The following PHKG1 variants were observed in gnomAD, a reference collection of about 807,000 sequenced individuals.
PHKG1 encodes phosphorylase b kinase gamma catalytic chain, skeletal muscle/heart isoform.
PHKG1 carries 48 observed loss-of-function variants against 50.5 expected under a neutral mutation model. The ratio of observed to expected loss-of-function variants is 0.95; its 90% CI spans 0.75 to 1.21. The LOEUF (loss-of-function observed/expected upper bound fraction) is 1.21. PHKG1 is among the 50% of genes most tolerant of loss of function. PHKG1 has a pLI of 0.00. For synonymous variants in PHKG1, 204 were observed against 212.8 expected, an observed-to-expected ratio of 0.96 and a Z score of 0.36; for missense variants, 487 against 519.5, an observed-to-expected ratio of 0.94 and a Z score of 0.61.
chr7:56,090,599 C>T (rs941237701), intron 1 of PHKG1, among the ~76,000 whole-genome samples: 1 of 152,066 alleles, frequency 6.6e-6, no homozygotes, highest in African/African-American at 2.4e-5. Flanking sequence ...TCAGTGTATG[C>T]TGTCACCTCC....
chr7:56,083,818 A>T, intron 4 of PHKG1, 103 bp from the exon 5 acceptor site: 2 of 787,690 alleles, frequency 2.5e-6, no homozygotes. Context: ...CTAGAAGCTA[A>T]GTGGGCCACT....
Position 56,081,747 on chromosome 7 carries a change from T to G in PHKG1, c.801A>C (p.Arg267=). Residue 267 remains arginine, a synonymous_variant, in exon 9 of 10, where the codon CGA becomes CGC. Transcript: ENST00000297373. This position sits in a 1 kb window ranked among gnomAD's most constrained non-coding sequence, Gnocchi z 4.6. ...YSDTVKDLVS[R]FLVVQPQNRY... is the part of the protein sequence containing the mutation. ...GGTTCTGGGGTTGCACCACCAGGAA[T>G]CGGGAGACCTGTGAGAGGAGGAGAG... is the stretch of plus-strand genomic sequence containing the variant. 6.2e-7 allele frequency: 1 copy of G among 1,613,404 alleles called. No individual in the cohort carries two copies. The highest frequency in any genetic ancestry group is 8.5e-7 in the Non-Finnish European group (1 of 1,179,626).
chr7:56,086,822 C>CA, intron 4 of PHKG1, 148 bp downstream of exon 4: 1 of 672,322 alleles, frequency 1.5e-6, no homozygotes, highest in Non-Finnish European at 2.7e-6. Context: ...AGCCTGACCC[C>CA]AGGGGCTGAT....
chr7:56,089,797 T>A (rs1308266753), intron 1 of PHKG1, among the ~76,000 whole-genome samples: 1 of 152,138 alleles, frequency 6.6e-6, no homozygotes, highest in East Asian at 1.9e-4. Context: ...GTGCTGGGAT[T>A]AAAGGCGTGA....
rs1222844861 is a variant in PHKG1 at position 56,080,913 on chromosome 7, C to A, written c.*141G>T. On this transcript the variant is annotated 3_prime_UTR_variant, in exon 10 of 10. Transcript: ENST00000297373. ...TTGTGCACAGCCTTTGAGAGGGGAT[C>A]GTGGCCTCAGTTCCAGGGGTTCCTG... is the stretch of plus-strand genomic sequence containing the variant. The A allele has an allele frequency of 3.2e-6, 3 of 926,090 alleles. No individual in the cohort carries two copies. In the East Asian group the frequency reaches 7.9e-5, roughly 24 times the overall value. The allele number at this position is 926,090 out of a possible 1,614,324, so 57.4% of individuals were successfully genotyped here.
At position 56,082,958 on chromosome 7, in the gene PHKG1, T is replaced by G. The variant is rs1796081719; in HGVS notation, c.547+320A>C. Among the ~76,000 whole-genome samples, 8 of 151,884 alleles carry G rather than the reference T, an allele frequency of 5.3e-5. No individual in the cohort carries two copies. The South Asian group carries it at 1.7e-3, about 32-fold the overall frequency. On this transcript the variant is annotated intron_variant, in intron 6 of 9. Transcript: ENST00000297373. ...CTGTCTCTACTAAAAATACAAAAAT[T>G]AGCCGAGCGTTGTGGCGCGTGCCTG...
At chr7:56,090,462 C>T (rs1584633716) in intron 1 of PHKG1, among the ~76,000 whole-genome samples, 1 of 152,174 alleles carries the variant, frequency 6.6e-6, no homozygotes, top group African/African-American at 2.4e-5. Flanking sequence ...TAATCACTCA[C>T]TCACTCATTC....
chr7:56,081,798 C>T lies in PHKG1; in HGVS notation c.793-43G>A, dbSNP rs1396171123. The T allele has an allele frequency of 6.4e-7, 1 of 1,573,092 alleles. No homozygotes were observed. The highest frequency in any genetic ancestry group is 1.3e-5 in the African/African-American group (1 of 74,672). The stretch of plus-strand genomic sequence containing the variant: ...GGGAACCGAGAATGTCAAGGCAGGT[C>T]CCCTCCAGCATGTCAGGAAAGGCAG... On this transcript the variant is annotated intron_variant, in intron 8 of 9. Transcript: ENST00000297373. This position sits in a 1 kb window ranked among gnomAD's most constrained non-coding sequence, Gnocchi z 4.6.
At chr7:56,082,588 T>A (rs2117545884) in intron 6 of PHKG1, among the ~76,000 whole-genome samples, 1 of 151,068 alleles carries the variant, frequency 6.6e-6, no homozygotes, top group East Asian at 2.0e-4. Flanking sequence ...TGAGACTCTG[T>A]TTCAAAAAAA....
In PHKG1 at chr7:56,081,241, T is replaced by C. The variant is rs1795968750; in HGVS notation, c.977A>G (p.Lys326Arg). The C allele has an allele frequency of 6.2e-7, 1 of 1,613,434 alleles. No homozygotes were observed. The highest frequency in any genetic ancestry group is 8.5e-7 in the Non-Finnish European group (1 of 1,179,920). The change falls in exon 10 of 10, where the codon AAG (lysine) becomes AGG (arginine). Residue 326 changes from lysine to arginine, a missense_variant. Lys to Arg is a conservative substitution (Grantham distance 26). Coordinates refer to ENST00000297373, the MANE Select transcript of PHKG1 (RefSeq NM_006213.5). This position sits in a 1 kb window ranked among gnomAD's most constrained non-coding sequence, Gnocchi z 4.6. ...GATGACGATCTCCCGGGTCACAGGC[T>C]TCACCCGGCGGTACTGGTAGTAGAT... ...VRIYYQYRRV[K>R]PVTREIVIRD...
chr7:56,084,389 T>TTC (rs1215806068), intron 4 of PHKG1: 527 of 562,694 alleles, frequency 9.4e-4, no homozygotes, highest in Non-Finnish European at 1.3e-3. Context: ...TTTTTTTTTT[T>TTC]TTGAGATGGA....
In PHKG1 at chr7:56,087,785, G is replaced by C. The variant is rs1366233791; in HGVS notation, c.84-9C>G. On this transcript the variant is annotated splice_polypyrimidine_tract_variant and intron_variant, in intron 2 of 9. Transcript: ENST00000297373. ...CCACACTGCTAACGCCCCTGGGAGT[G>C]CAGAGGACAGATGGCCTCGGGGGGC... 2.5e-6 allele frequency: 4 copies of C among 1,605,978 alleles called. No individual in the cohort carries two copies. The highest frequency in any genetic ancestry group is 3.4e-6 in the Non-Finnish European group (4 of 1,176,756).
intron 1 of PHKG1, among the ~76,000 whole-genome samples, chr7:56,092,463 G>A (rs2117613865): frequency 6.6e-6 from 1 of 152,248 alleles, no homozygotes; most frequent in South Asian, 2.1e-4. Context: ...AGTAGATATG[G>A]GGTTTCACCA....
In PHKG1 at chr7:56,083,346, T is replaced by C. The variant is rs775962676; in HGVS notation, c.479A>G (p.Asp160Gly). ...DLKPENILLD[D>G]NMNIKLTDFG... ...GTCTGTGAGCTTGATGTTCATGTTGTCATCCAAGAGAATGTTCTCGGGCTT... is the reference window on the plus strand; with the variant it reads ...GTCTGTGAGCTTGATGTTCATGTTGCCATCCAAGAGAATGTTCTCGGGCTT... Residue 160 changes from aspartate (D) to glycine (G), a missense_variant, in exon 6 of 10, where the codon GAC becomes GGC. Coordinates refer to ENST00000297373, the MANE Select transcript of PHKG1 (RefSeq NM_006213.5). 1.2e-6 allele frequency: 2 copies of C among 1,614,034 alleles called. No homozygotes were observed. The highest frequency in any genetic ancestry group is 2.7e-5 in the African/African-American group (2 of 74,936).
chr7:56,086,931 T>G, intron 4 of PHKG1, 39 bp downstream of exon 4: 6 of 1,542,266 alleles, frequency 3.9e-6, no homozygotes, highest in Non-Finnish European at 5.4e-6. Flanking sequence ...CAGTCGGAGG[T>G]TCTCTCAGGT....
chr7:56,091,056 A>G (rs1001037078), intron 1 of PHKG1, among the ~76,000 whole-genome samples: 2 of 151,510 alleles, frequency 1.3e-5, no homozygotes, highest in Admixed American at 6.6e-5. Flanking sequence ...CGCAAAAAAT[A>G]CAAAAATTAG....
In PHKG1 at chr7:56,083,412, A is replaced by C; in HGVS notation, c.413T>G (p.Ile138Ser). 6.2e-7 allele frequency: 1 copy of C among 1,614,158 alleles called. No homozygotes were observed. Among genetic ancestry groups the C allele is most frequent in the Non-Finnish European group, 8.5e-7 (1 of 1,180,026 alleles). Residue 138 changes from isoleucine (I) to serine (S), a missense_variant, in exon 6 of 10, where the codon ATC becomes AGC. Physicochemically the swap from Ile to Ser is moderately radical, Grantham distance 142. Transcript: ENST00000297373. ...RKIMRALLEVICTLHKLNIVH... is the reference protein window; with the variant it reads ...RKIMRALLEVSCTLHKLNIVH... ...GATGTTGAGTTTGTGCAAGGTGCAG[A>C]TCACCTCCAGCAGAGCTCGCATGAT...
Position 56,088,925 on chromosome 7 carries a change from G to A in PHKG1, c.17C>T (p.Ala6Val). Residue 6 changes from alanine (A) to valine (V), a missense_variant, in exon 2 of 10, where the codon GCA becomes GTA. By Grantham distance (64) the Ala-to-Val change is moderately conservative. Coordinates refer to ENST00000297373, the MANE Select transcript of PHKG1 (RefSeq NM_006213.5). ...CTGTGCAGAATGAGAGTCCGGCAGT[G>A]CCTCGTCCCGGGTCATGCTCAGATC... is the stretch of plus-strand genomic sequence containing the variant. MTRDE[A>V]LPDSHSAQDF... 6.2e-7 allele frequency: 1 copy of A among 1,613,208 alleles called. No individual in the cohort carries two copies. The highest frequency in any genetic ancestry group is 8.5e-7 in the Non-Finnish European group (1 of 1,179,302).
Position 56,088,355 on chromosome 7 carries a change from T to A in PHKG1, c.83+504A>T, listed in dbSNP as rs76661790. Among the ~76,000 whole-genome samples the A allele has an allele frequency of 1.6e-3, 162 of 104,322 alleles. 1 individual carries two copies. In the South Asian group the frequency reaches 0.019, roughly 12 times the overall value. 68.4% of individuals were successfully genotyped at this position (104,322 alleles called of 152,430 possible). A position where few individuals can be genotyped will look rare whatever the true frequency, so the allele number is the denominator to read the frequency against. ...GCCACTGTGCCTGGCCCCCCCTTTT[T>A]AAAAAAAAAAATAGAGATGGTTAGC... On this transcript the variant is annotated intron_variant, in intron 2 of 9. Coordinates refer to ENST00000297373, the MANE Select transcript of PHKG1 (RefSeq NM_006213.5).
Sources: gnomAD v4.1 joint callset for allele counts (sites outside exome capture counted in the v4.1 genomes callset) on GRCh38, gnomAD v4.1.1 for gene constraint, Gnocchi (gnomAD v3.1) non-coding constraint, MANE v1.5 for transcripts, NCBI Gene and HGNC (gene_info 2026-07-23, HGNC 2026-07-21) for gene names.